PTPRD: variants seen among roughly 807,000 people sequenced by gnomAD.
PTPRD encodes protein tyrosine phosphatase receptor type D, also known as receptor-type tyrosine-protein phosphatase delta.
Under a neutral mutation model 214.5 loss-of-function variants are expected in PTPRD, and 34 were observed. The ratio of observed to expected loss-of-function variants is 0.16; its 90% CI spans 0.12 to 0.21. PTPRD has a LOEUF of 0.21. Among genes scored for constraint, PTPRD ranks in the 10% least tolerant of loss-of-function variants. The pLI, the probability that PTPRD is intolerant of heterozygous loss-of-function variation, is 1.00. For missense variants in PTPRD, 2,545 were observed against 2,398.7 expected (o/e 1.06, Z -1.27); for synonymous variants, 1,128 against 845.7 (o/e 1.33, Z -5.79).
chr9:10,295,231 C>A (rs1267932735), intron 3 of PTPRD, among the ~76,000 whole-genome samples: 1 of 151,952 alleles, frequency 6.6e-6, no homozygotes, highest in Admixed American at 6.6e-5. Context: ...TCAAACAATT[C>A]TGGATATTTT....
At chr9:8,435,729 A>G (rs2095319361) in intron 35 of PTPRD, among the ~76,000 whole-genome samples, 2 of 147,210 alleles carry the variant, frequency 1.4e-5, no homozygotes, top group African/African-American at 5.0e-5. Context: ...ACACACACAC[A>G]CGCACGCACG....
At chr9:9,676,541 C>G (rs2096934276) in intron 7 of PTPRD, among the ~76,000 whole-genome samples, 1 of 151,914 alleles carries the variant, frequency 6.6e-6, no homozygotes, top group African/African-American at 2.4e-5. Context: ...GGACATTTGG[C>G]TTGGTTCCAA....
intron 9 of PTPRD, among the ~76,000 whole-genome samples, chr9:9,369,908 A>T (rs893013577): frequency 4.6e-5 from 7 of 152,124 alleles, no homozygotes. Flanking sequence ...TTTGTCAAAG[A>T]TCAGATAGTT....
intron 14 of PTPRD, among the ~76,000 whole-genome samples, chr9:8,605,290 T>C (rs143207170): frequency 3.9e-5 from 6 of 152,348 alleles, no homozygotes; most frequent in African/African-American, 1.2e-4. Flanking sequence ...CTAAGCATAA[T>C]TGGACTTAAC....
At position 9,660,354 on chromosome 9, in the gene PTPRD, G is replaced by A. The variant is rs1594537382; in HGVS notation, c.-287+74179C>T. On this transcript the variant is annotated intron_variant, in intron 7 of 45. Coordinates refer to ENST00000381196, the MANE Select transcript of PTPRD (RefSeq NM_002839.4). ...AGGTAAGGGGGCAAGCAAGAGGACA[G>A]GTTAAAGAGTTATTTCAGCTACCTT... is the stretch of plus-strand genomic sequence containing the variant. Among the ~76,000 whole-genome samples the A allele has an allele frequency of 3.3e-5, 5 of 152,062 alleles. No homozygotes were observed. The South Asian group carries it at 1.0e-3, about 32-fold the overall frequency.
At chr9:10,433,892 CTGT>C (rs2098699818) in intron 2 of PTPRD, among the ~76,000 whole-genome samples, 1 of 151,736 alleles carries the variant, frequency 6.6e-6, no homozygotes, top group Non-Finnish European at 1.5e-5. Flanking sequence ...GATCAGAATA[CTGT>C]ATTTTAAAAC....
chr9:9,033,039 G>C (rs2099610575), intron 10 of PTPRD, among the ~76,000 whole-genome samples: 1 of 152,114 alleles, frequency 6.6e-6, no homozygotes, highest in African/African-American at 2.4e-5. Flanking sequence ...ACCATCTGTA[G>C]TGCTCATGCA....
At chr9:9,559,973 C>G (rs1406814796) in intron 8 of PTPRD, among the ~76,000 whole-genome samples, 1 of 152,184 alleles carries the variant, frequency 6.6e-6, no homozygotes, top group Non-Finnish European at 1.5e-5. Flanking sequence ...GTTCAGAGAC[C>G]AGTGGATTGC....
chr9:9,487,607 T>C (rs1021374246), intron 8 of PTPRD, among the ~76,000 whole-genome samples: 1 of 152,186 alleles, frequency 6.6e-6, no homozygotes, highest in African/African-American at 2.4e-5. Context: ...CAGATTTGCT[T>C]TAGGAAATGA....
At chr9:9,586,406 G>T (rs952927223) in intron 7 of PTPRD, among the ~76,000 whole-genome samples, 1 of 151,880 alleles carries the variant, frequency 6.6e-6, no homozygotes, top group East Asian at 1.9e-4. Context: ...TCATAAGTAC[G>T]CAGTAAGATT....
intron 27 of PTPRD, among the ~76,000 whole-genome samples, chr9:8,488,731 T>C (rs1481017585): frequency 2.0e-5 from 3 of 152,226 alleles, no homozygotes; most frequent in Non-Finnish European, 4.4e-5. Context: ...TTTATGTGTA[T>C]AGAGCATTTA....
At chr9:8,334,333 G>A (rs562069873) in intron 43 of PTPRD, among the ~76,000 whole-genome samples, 30 of 150,094 alleles carry the variant, frequency 2.0e-4, no homozygotes, top group Non-Finnish European at 3.6e-4. Flanking sequence ...CATAACAAAC[G>A]GTCTCTCAGA....
chr9:8,449,944 T>G lies in PTPRD; in HGVS notation c.3876-107A>C. The stretch of plus-strand genomic sequence containing the variant: ...CCCCCCACCTCCCAAGTTTTCAGTT[T>G]TACAACTTTTCAACCCAGCTGACTT... On this transcript the variant is annotated intron_variant, in intron 33 of 45. Coordinates refer to ENST00000381196, the MANE Select transcript of PTPRD (RefSeq NM_002839.4). The G allele has an allele frequency of 2.7e-6, 3 of 1,112,226 alleles. No homozygotes were observed. The South Asian group carries it at 4.6e-5, about 17-fold the overall frequency. 68.9% of individuals were successfully genotyped at this position (1,112,226 alleles called of 1,614,324 possible). A position where few individuals can be genotyped will look rare whatever the true frequency, so the allele number is the denominator to read the frequency against.
chr9:8,369,353 C>T (rs536657736), intron 39 of PTPRD, among the ~76,000 whole-genome samples: 1 of 151,970 alleles, frequency 6.6e-6, no homozygotes, highest in Non-Finnish European at 1.5e-5. Context: ...CATGGTTATG[C>T]TATGAATATG....
At position 8,339,631 on chromosome 9, in the gene PTPRD, C is replaced by G. The variant is rs767467651; in HGVS notation, c.5254-584G>C. On this transcript the variant is annotated intron_variant, in intron 42 of 45. Coordinates refer to ENST00000381196, the MANE Select transcript of PTPRD (RefSeq NM_002839.4). ...CGTCTGATATTCTTTTTGTTCTCTC[C>G]GGGGGCTCTACAAGTTGGGCTTTAG... 2.0e-5 allele frequency among the ~76,000 whole-genome samples: 3 copies of G among 151,942 alleles called. No individual in the cohort carries two copies. The East Asian group carries it at 5.8e-4, about 29-fold the overall frequency.
intron 7 of PTPRD, among the ~76,000 whole-genome samples, chr9:9,647,512 A>C (rs997748581): frequency 2.2e-4 from 34 of 152,166 alleles, no homozygotes; most frequent in African/African-American, 8.0e-4. Context: ...TACTTTTGCC[A>C]GTCTTATATA....
rs2098737380 is a variant in PTPRD, at chr9:9,769,785, G to A, written c.-367-2934C>T. Among the ~76,000 whole-genome samples, 3 of 152,012 alleles carry A rather than the reference G, an allele frequency of 2.0e-5. No individual in the cohort carries two copies. The South Asian group carries it at 6.2e-4, about 32-fold the overall frequency. ...GCCCCCCACCCACCAACAGGCCCCGGTGTGTGATGTTCCCCTCCCTGTGTC... is the reference window on the plus strand; with the variant it reads ...GCCCCCCACCCACCAACAGGCCCCGATGTGTGATGTTCCCCTCCCTGTGTC... On this transcript the variant is annotated intron_variant, in intron 5 of 45. Transcript: ENST00000381196.
At chr9:9,564,100 G>C (rs2083674079) in intron 8 of PTPRD, among the ~76,000 whole-genome samples, 2 of 152,056 alleles carry the variant, frequency 1.3e-5, no homozygotes, top group Admixed American at 1.3e-4. Context: ...TGCTCATCTG[G>C]CCTCCCAAGA....
intron 11 of PTPRD, among the ~76,000 whole-genome samples, chr9:8,955,876 T>A (rs1050499434): frequency 1.3e-5 from 2 of 151,944 alleles, no homozygotes; most frequent in East Asian, 1.9e-4. Flanking sequence ...GACCTACATA[T>A]AGCATTCATT....
Sources: gnomAD v4.1 joint callset for allele counts (sites outside exome capture counted in the v4.1 genomes callset) on GRCh38, gnomAD v4.1.1 for gene constraint, MANE v1.5 for transcripts, NCBI Gene and HGNC (gene_info 2026-07-23, HGNC 2026-07-21) for gene names.